PCNT: variants seen among roughly 807,000 people sequenced by gnomAD.
PCNT encodes the protein pericentrin, also known as kendrin.
Under a neutral mutation model 380.4 loss-of-function variants are expected in PCNT, and 319 were observed. The observed-to-expected ratio is 0.84, with a 90% CI of 0.77 to 0.92. The LOEUF (loss-of-function observed/expected upper bound fraction) is 0.92, where lower values mean the gene tolerates loss of function less well. Among genes scored for constraint, PCNT ranks in the 40% least tolerant of loss-of-function variants. The pLI is 0.00. For missense variants in PCNT, 4,400 were observed against 4,255.3 expected (o/e 1.03, Z -0.95); for synonymous variants, 1,845 against 1,735.2 (o/e 1.06, Z -1.57).
Position 46,389,418 on chromosome 21 carries a change from A to G in PCNT, c.3827A>G (p.Asp1276Gly), listed in dbSNP as rs1601932576. The change falls in exon 19 of 47, where the codon GAC (aspartate) becomes GGC (glycine). Residue 1276 changes from aspartate to glycine, a missense_variant. Coordinates refer to ENST00000359568, the MANE Select transcript of PCNT (RefSeq NM_006031.6). ...AVDGLMEMALDSSRQLEEARQ... is the reference protein window; with the variant it reads ...AVDGLMEMALGSSRQLEEARQ... The stretch of plus-strand genomic sequence containing the variant: ...GACGGCCTCATGGAGATGGCCCTGG[A>G]CTCCAGCAGGCAGGTGAGGCCCAGG... 6.2e-7 allele frequency: 1 copy of G among 1,613,646 alleles called. No homozygotes were observed. The highest frequency in any genetic ancestry group is 1.1e-5 in the South Asian group (1 of 91,080).
At position 46,411,809 on chromosome 21, in the gene PCNT, C is replaced by A; in HGVS notation, c.5736C>A (p.Ala1912=). 2 of 1,584,908 alleles carry A rather than the reference C, an allele frequency of 1.3e-6. No homozygotes were observed. Among genetic ancestry groups the A allele is most frequent in the Non-Finnish European group, 1.7e-6 (2 of 1,169,856 alleles). The change falls in exon 28 of 47, where the codon GCC becomes GCA. Residue 1912 remains alanine (A), a synonymous_variant. Transcript: ENST00000359568. ...RRALEQQPLA[A]GAAPPELQWL... Reference sequence around the variant, plus strand: ...CCCTGGAGCAGCAGCCCCTGGCAGCCGGGGCGGCGCCTCCCGAGCTGCAGT... The same window carrying A: ...CCCTGGAGCAGCAGCCCCTGGCAGCAGGGGCGGCGCCTCCCGAGCTGCAGT...
chr21:46,410,843 C>T (rs1034806336), intron 27 of PCNT, among the ~76,000 whole-genome samples: 2 of 152,242 alleles, frequency 1.3e-5, no homozygotes, highest in African/African-American at 4.8e-5. Flanking sequence ...AAATCTAATG[C>T]ACCTTCAGGA....
At chr21:46,350,341 C>T (rs533777061) in intron 8 of PCNT, among the ~76,000 whole-genome samples, 2 of 152,244 alleles carry the variant, frequency 1.3e-5, no homozygotes, top group South Asian at 4.2e-4. Context: ...TTACACAAAT[C>T]GCAGACACTA....
intron 44 of PCNT, 66 bp from the exon 45 acceptor site, chr21:46,443,744 G>T: frequency 6.8e-7 from 1 of 1,468,848 alleles, no homozygotes; most frequent in South Asian, 1.1e-5. Context: ...GTTGATAGAT[G>T]GGCCTTTACT....
At chr21:46,372,297 TAGC>T (rs72204512) in intron 15 of PCNT, among the ~76,000 whole-genome samples, 19,281 of 151,010 alleles carry the variant, frequency 0.13, 3,390 homozygotes, top group African/African-American at 0.4. Context: ...CACATACACA[TAGC>T]AGATGTGCAC....
intron 38 of PCNT, among the ~76,000 whole-genome samples, chr21:46,433,014 T>G (rs904310892): frequency 1.3e-5 from 2 of 152,220 alleles, no homozygotes; most frequent in African/African-American, 2.4e-5. Flanking sequence ...TACTTATTTA[T>G]TTTTTGAGAT....
Position 46,346,796 on chromosome 21 carries a change from C to G in PCNT, c.774C>G (p.His258Gln). ...TGCGCCTGAGTCTGAGCAACATGCA[C>G]ACGGCGCAGCTGGAGCTGACACAGG... ...EALRLSLSNMHTAQLELTQAN... is the reference protein window; with the variant it reads ...EALRLSLSNMQTAQLELTQAN... Residue 258 changes from histidine (H) to glutamine (Q), a missense_variant, in exon 5 of 47, where the codon CAC (histidine) becomes CAG (glutamine). By Grantham distance (24) the His-to-Gln change is conservative (BLOSUM62 0). Transcript: ENST00000359568. The G allele has an allele frequency of 2.5e-6, 4 of 1,600,318 alleles. No homozygotes were observed. The highest frequency in any genetic ancestry group is 3.4e-6 in the Non-Finnish European group (4 of 1,174,490).
Position 46,363,870 on chromosome 21 carries a change from G to T in PCNT, c.2545G>T (p.Gly849Trp), listed in dbSNP as rs776223654. The change falls in exon 14 of 47, where the codon GGG becomes TGG. Residue 849 changes from glycine (G) to tryptophan (W), a missense_variant. By Grantham distance (184) the Gly-to-Trp change is radical. Coordinates refer to ENST00000359568, the MANE Select transcript of PCNT (RefSeq NM_006031.6). ...GCGGGAGCCGCCCACAGCCCAGGAC[G>T]GGGAGCTTGCTGCGCTCCACGTGAA... The part of the protein sequence containing the change: ...CGREPPTAQD[G>W]ELAALHVKED... 6.2e-7 allele frequency: 1 copy of T among 1,612,410 alleles called. No individual in the cohort carries two copies. The highest frequency in any genetic ancestry group is 1.7e-5 in the Admixed American group (1 of 59,990).
chr21:46,331,139 CTGA>C (rs2083546736), intron 2 of PCNT, among the ~76,000 whole-genome samples: 3 of 152,066 alleles, frequency 2.0e-5, no homozygotes, highest in Admixed American at 2.0e-4. Flanking sequence ...TAGGTAAATA[CTGA>C]TGATTTCTAG....
intron 29 of PCNT, among the ~76,000 whole-genome samples, chr21:46,414,029 T>C (rs1478339983): frequency 8.0e-5 from 12 of 150,732 alleles, no homozygotes; most frequent in South Asian, 2.1e-4. Flanking sequence ...TCTTGCTCTG[T>C]CGCCCAGGCT....
Position 46,346,847 on chromosome 21 carries a change from G to A in PCNT, c.825G>A (p.Thr275=). ...TQANLQKEKE[T]ALTELREMLN... is the part of the protein sequence containing the mutation. ...CCAACCTCCAGAAGGAGAAGGAGAC[G>A]GCATTGACGGAGCTGCGGGAGATGC... Residue 275 remains threonine, a synonymous_variant, in exon 5 of 47, where the codon ACG becomes ACA. Coordinates refer to ENST00000359568, the MANE Select transcript of PCNT (RefSeq NM_006031.6). 10 of 1,608,232 alleles carry A rather than the reference G, an allele frequency of 6.2e-6. No individual in the cohort carries two copies. The highest frequency in any genetic ancestry group is 1.1e-5 in the South Asian group (1 of 89,748).
chr21:46,406,283 T>A (rs2147588727), intron 27 of PCNT, among the ~76,000 whole-genome samples: 1 of 152,346 alleles, frequency 6.6e-6, no homozygotes, highest in East Asian at 1.9e-4. Context: ...AACTCTGGGG[T>A]TAGTGATGTT....
intron 38 of PCNT, among the ~76,000 whole-genome samples, chr21:46,432,773 T>C (rs1431954416): frequency 6.6e-6 from 1 of 152,026 alleles, no homozygotes; most frequent in Non-Finnish European, 1.5e-5. Context: ...TGCAGGCACA[T>C]GCCACCACGC....
intron 35 of PCNT, among the ~76,000 whole-genome samples, chr21:46,429,300 C>T (rs1601180282): frequency 1.1e-5 from 1 of 91,836 alleles, no homozygotes; most frequent in South Asian, 3.0e-4. Flanking sequence ...CGGGGGGTGC[C>T]GGCGCTGTGC....
Position 46,354,044 on chromosome 21 carries a change from T to C in PCNT, c.1737T>C (p.Asp579=), listed in dbSNP as rs1170990391. The C allele has an allele frequency of 6.2e-7, 1 of 1,613,982 alleles. No individual in the cohort carries two copies. Among genetic ancestry groups the C allele is most frequent in the Non-Finnish European group, 8.5e-7 (1 of 1,179,974 alleles). ...KPEKGRKDHV[D]ELEPERHKES... Reference sequence around the variant, plus strand: ...AGAAAGGAAGAAAAGATCACGTTGATGAACTCGAGCCTGAGCGACATAAGG... The same window carrying C: ...AGAAAGGAAGAAAAGATCACGTTGACGAACTCGAGCCTGAGCGACATAAGG... The change falls in exon 11 of 47, where the codon GAT becomes GAC. Residue 579 remains aspartate, a synonymous_variant. Coordinates refer to ENST00000359568, the MANE Select transcript of PCNT (RefSeq NM_006031.6).
At chr21:46,330,954 A>G (rs572449707) in intron 2 of PCNT, among the ~76,000 whole-genome samples, 51 of 152,268 alleles carry the variant, frequency 3.3e-4, no homozygotes, top group Non-Finnish European at 6.3e-4. Context: ...TTACCCATCT[A>G]TAAATTGTGA....
At chr21:46,389,093 C>A in intron 18 of PCNT, 106 bp from the exon 19 acceptor site, 1 of 1,329,558 alleles carries the variant, frequency 7.5e-7, no homozygotes, top group Non-Finnish European at 1.1e-6. Flanking sequence ...CTCATCTCGG[C>A]TGGGGCGACG....
intron 7 of PCNT, among the ~76,000 whole-genome samples, chr21:46,349,466 C>G (rs2084190013): frequency 6.6e-6 from 1 of 152,112 alleles, no homozygotes; most frequent in Non-Finnish European, 1.5e-5. Flanking sequence ...TTTTCATACT[C>G]CAGGGTTGTG....
At chr21:46,384,450 G>A (rs1239825826) in intron 16 of PCNT, among the ~76,000 whole-genome samples, 2 of 145,594 alleles carry the variant, frequency 1.4e-5, no homozygotes, top group Non-Finnish European at 3.0e-5. Context: ...TGATGGAAGC[G>A]CATTCACGGT....
Sources: allele counts gnomAD v4.1 joint callset (sites outside exome capture counted in the v4.1 genomes callset), GRCh38; gene constraint gnomAD v4.1.1; transcripts MANE v1.5; gene names NCBI Gene and HGNC (gene_info 2026-07-23, HGNC 2026-07-21).